The following UXS1 variants were observed in gnomAD, a reference collection of about 807,000 sequenced individuals.
UXS1 encodes UDP-glucuronate decarboxylase 1, also known as UDP-glucuronic acid decarboxylase 1.
In UXS1, 33 loss-of-function variants were observed where a neutral mutation model predicts 62.6. That is an observed-to-expected ratio of 0.53 (90% CI 0.40 to 0.70). The LOEUF (loss-of-function observed/expected upper bound fraction) is 0.70. Among genes scored for constraint, UXS1 ranks in the 30% least tolerant of loss-of-function variants. UXS1 has a pLI of 0.00. For synonymous variants in UXS1, 213 were observed against 206.8 expected, an observed-to-expected ratio of 1.03 and a Z score of -0.26; for missense variants, 434 against 556.3, an observed-to-expected ratio of 0.78 and a Z score of 2.21.
chr2:106,168,304 G>T (rs1323733323), intron 1 of UXS1, among the ~76,000 whole-genome samples: 1 of 151,406 alleles, frequency 6.6e-6, no homozygotes, highest in African/African-American at 2.4e-5. Flanking sequence ...CCAGCGCCAT[G>T]ACAGTTTACA....
At chr2:106,098,883 T>G in intron 12 of UXS1, 110 bp from the exon 13 acceptor site, 1 of 965,400 alleles carries the variant, frequency 1.0e-6, no homozygotes, top group Non-Finnish European at 1.6e-6. Flanking sequence ...CTGACCTCCC[T>G]GCGCTGCTTC....
At chr2:106,157,941 T>C (rs1682571628) in intron 5 of UXS1, 117 bp downstream of exon 5, 2 of 907,832 alleles carry the variant, frequency 2.2e-6, no homozygotes, top group Non-Finnish European at 3.4e-6. Flanking sequence ...GTGGACATAC[T>C]ATAAGCCACT....
chr2:106,176,826 C>T (rs4851931), intron 1 of UXS1, among the ~76,000 whole-genome samples: 15,580 of 152,246 alleles, frequency 0.1, 1,212 homozygotes, highest in East Asian at 0.32. Context: ...GTGGTCCTCG[C>T]CCTGCTCTGA....
intron 1 of UXS1, among the ~76,000 whole-genome samples, chr2:106,167,376 G>A (rs1301490758): frequency 6.6e-6 from 1 of 152,122 alleles, no homozygotes; most frequent in Non-Finnish European, 1.5e-5. Flanking sequence ...CGTCCTCCCT[G>A]TCCCGGGCTG....
intron 2 of UXS1, among the ~76,000 whole-genome samples, chr2:106,165,306 A>G (rs1294931284): frequency 6.6e-6 from 1 of 152,142 alleles, no homozygotes; most frequent in African/African-American, 2.4e-5. Context: ...TGCAAAACCC[A>G]ACTCCACATG....
intron 5 of UXS1, among the ~76,000 whole-genome samples, chr2:106,156,223 A>G (rs1340343034): frequency 6.6e-6 from 1 of 152,236 alleles, no homozygotes; most frequent in Non-Finnish European, 1.5e-5. Context: ...AAAGAATAGG[A>G]TAATATCTAA....
chr2:106,149,963 G>C (rs918613833), intron 5 of UXS1, among the ~76,000 whole-genome samples: 1 of 152,184 alleles, frequency 6.6e-6, no homozygotes, highest in Admixed American at 6.5e-5. Flanking sequence ...AGGCCATTCT[G>C]ATGAGGTCTC....
At chr2:106,125,820 G>A in intron 7 of UXS1, 141 bp from the exon 8 acceptor site, 1 of 620,476 alleles carries the variant, frequency 1.6e-6, no homozygotes, top group Non-Finnish European at 2.5e-6. Flanking sequence ...GTCTGCTTTG[G>A]CACCAAAATA....
chr2:106,149,976 A>G (rs1681881069), intron 5 of UXS1, among the ~76,000 whole-genome samples: 1 of 152,214 alleles, frequency 6.6e-6, no homozygotes, highest in South Asian at 2.1e-4. Flanking sequence ...GAGGTCTCAG[A>G]TGGAAATGAG....
At chr2:106,124,168 C>G (rs553379409) in intron 8 of UXS1, among the ~76,000 whole-genome samples, 155 of 152,326 alleles carry the variant, frequency 1.0e-3, no homozygotes, top group African/African-American at 3.6e-3. Flanking sequence ...GAACCATTGA[C>G]TTAAATTCAC....
chr2:106,194,210 G>C lies in UXS1; in HGVS notation c.32C>G (p.Ser11Cys), dbSNP rs1374123393. ...CTTCATCCTCCTGCGGTTGACGGCA[G>C]ACACGAGGCGCAGCAGCGCCTTGCT... MVSKALLRLV[S>C]AVNRRRMKLL... The change falls in exon 1 of 15, where the codon TCT becomes TGT. Residue 11 changes from serine to cysteine, a missense_variant. Transcript: ENST00000283148. 2 of 1,469,542 alleles carry C rather than the reference G, an allele frequency of 1.4e-6. No homozygotes were observed. Among genetic ancestry groups the C allele is most frequent in the Non-Finnish European group, 1.8e-6 (2 of 1,108,118 alleles). 91.0% of individuals were successfully genotyped at this position (1,469,542 alleles called of 1,614,324 possible). A position where few individuals can be genotyped will look rare whatever the true frequency, so the allele number is the denominator to read the frequency against.
Position 106,105,000 on chromosome 2 carries a change from C to T in UXS1, c.880-163G>A, listed in dbSNP as rs1399672957. Among the ~76,000 whole-genome samples, 6 of 152,186 alleles carry T rather than the reference C, an allele frequency of 3.9e-5. No individual in the cohort carries two copies. In the South Asian group the frequency reaches 1.2e-3, roughly 32 times the overall value. On this transcript the variant is annotated intron_variant, in intron 10 of 14. Transcript: ENST00000283148. ...CCACATCCCGCACTCTACTTCGAGACCATGCCTTGACAGTGAGATGGTGGC... is the reference window on the plus strand; with the variant it reads ...CCACATCCCGCACTCTACTTCGAGATCATGCCTTGACAGTGAGATGGTGGC...
chr2:106,123,172 G>A (rs1679657959), intron 8 of UXS1, 81 bp from the exon 9 acceptor site: 1 of 1,576,674 alleles, frequency 6.3e-7, no homozygotes, highest in Non-Finnish European at 8.6e-7. Context: ...TGATGCAAAA[G>A]GGAACTTCGG....
chr2:106,177,213 T>TTTTA (rs1683940986), intron 1 of UXS1, among the ~76,000 whole-genome samples: 2 of 149,834 alleles, frequency 1.3e-5, no homozygotes, highest in Admixed American at 1.3e-4. Flanking sequence ...TTTTTTTTTT[T>TTTTA]GAGATGGAGT....
intron 9 of UXS1, among the ~76,000 whole-genome samples, chr2:106,120,197 G>A (rs558919140): frequency 9.2e-5 from 14 of 152,168 alleles, no homozygotes; most frequent in Non-Finnish European, 2.1e-4. Flanking sequence ...ATAACGGGAC[G>A]GAAGGTGGGA....
chr2:106,164,779 A>T lies in UXS1; in HGVS notation c.143T>A (p.Ile48Asn). ...AATTTTTAGTTCACCATTTTCCTGG[A>T]TAGACCTGTTGAGTAGAAAGCTATA... ...VNMSFLLNRS[I>N]QENGELKIES... The change falls in exon 3 of 15, where the codon ATC (isoleucine) becomes AAC (asparagine). Residue 48 changes from isoleucine (I) to asparagine (N), a missense_variant. Ile to Asn is a moderately radical substitution (Grantham distance 149). Transcript: ENST00000283148. 1 of 1,591,738 alleles carries T rather than the reference A, an allele frequency of 6.3e-7. No individual in the cohort carries two copies. Among genetic ancestry groups the T allele is most frequent in the African/African-American group, 1.3e-5 (1 of 74,682 alleles).
At chr2:106,143,363 C>T (rs894675395) in intron 6 of UXS1, among the ~76,000 whole-genome samples, 8 of 122,298 alleles carry the variant, frequency 6.5e-5, no homozygotes, top group South Asian at 2.8e-4. Context: ...GAGCTGAGAT[C>T]GTGCCACTGC....
intron 9 of UXS1, among the ~76,000 whole-genome samples, chr2:106,119,641 C>T (rs978480590): frequency 1.7e-4 from 26 of 152,172 alleles, no homozygotes; most frequent in Non-Finnish European, 2.9e-5. Context: ...GCTCAGAACA[C>T]AGTCATAGTC....
At chr2:106,158,743 A>G (rs1682659486) in intron 4 of UXS1, among the ~76,000 whole-genome samples, 1 of 152,222 alleles carries the variant, frequency 6.6e-6, no homozygotes, top group South Asian at 2.1e-4. Flanking sequence ...TGCTTAGCTT[A>G]GCTGGCTTTT....
Sources: allele counts gnomAD v4.1 joint callset (sites outside exome capture counted in the v4.1 genomes callset), GRCh38; gene constraint gnomAD v4.1.1; transcripts MANE v1.5; gene names NCBI Gene and HGNC (gene_info 2026-07-23, HGNC 2026-07-21).